Variants in NF1 observed in about 807,000 individuals in gnomAD.
NF1 encodes neurofibromin.
NF1 carries 122 observed loss-of-function variants against 325.7 expected under a neutral mutation model. That is an observed-to-expected ratio of 0.37 (90% CI 0.32 to 0.44). The LOEUF (loss-of-function observed/expected upper bound fraction) is 0.44, where lower values mean the gene tolerates loss of function less well. Among genes scored for constraint, NF1 ranks in the 20% least tolerant of loss-of-function variants. The pLI, the probability that NF1 is intolerant of heterozygous loss-of-function variation, is 1.00. For synonymous variants in NF1, 1,091 were observed against 1,186.0 expected (o/e 0.92, Z 1.65); for missense variants, 2,140 against 3,415.4 (o/e 0.63, Z 9.31).
intron 36 of NF1, among the ~76,000 whole-genome samples, chr17:31,323,721 C>T (rs1335875125): frequency 2.0e-5 from 3 of 152,074 alleles, no homozygotes; most frequent in African/African-American, 4.8e-5. Flanking sequence ...TTCCTTTTTG[C>T]CTTTCTCCAT....
intron 23 of NF1, 108 bp downstream of exon 23, chr17:31,230,490 G>T: frequency 7.3e-7 from 1 of 1,366,500 alleles, no homozygotes; most frequent in East Asian, 2.3e-5. Context: ...GACATGAAAA[G>T]AGAGCAATTT....
rs73271694 is a variant in NF1, at chr17:31,134,642, T to C, written c.61-21341T>C. On this transcript the variant is annotated intron_variant, in intron 1 of 57. Transcript: ENST00000358273. Reference sequence around the variant, plus strand: ...AGTCTTGGCTGGGTCTGTAGTAATCTGAAGGCTTGACTGGGGGTAGAGCAT... The same window carrying C: ...AGTCTTGGCTGGGTCTGTAGTAATCCGAAGGCTTGACTGGGGGTAGAGCAT... Among the ~76,000 whole-genome samples, 1,188 of 152,350 alleles carry C rather than the reference T, an allele frequency of 7.8e-3. 21 individuals carry two copies. Among genetic ancestry groups the C allele is most frequent in the African/African-American group, 0.027 (1,138 of 41,580 alleles).
chr17:31,305,763 AGTT>A, intron 36 of NF1: 1 of 757,514 alleles, frequency 1.3e-6, no homozygotes, highest in Non-Finnish European at 2.1e-6. Flanking sequence ...GTTGATTAGT[AGTT>A]ATTATTCCTA....
At chr17:31,310,702 G>A (rs531027240) in intron 36 of NF1, among the ~76,000 whole-genome samples, 3 of 151,716 alleles carry the variant, frequency 2.0e-5, no homozygotes, top group Admixed American at 6.6e-5. Flanking sequence ...CCATGTACCC[G>A]TGTACGTTTT....
chr17:31,155,931 G>C lies in NF1; in HGVS notation c.61-52G>C, dbSNP rs371694497. 5.0e-5 allele frequency: 79 copies of C among 1,580,358 alleles called. No homozygotes were observed. The East Asian group carries it at 8.1e-4, about 16-fold the overall frequency. ...TTCAATGGCAAGTAAGTTATTTATGGTCGTTTTTAAGGATAAGCTGTTAAC... is the reference window on the plus strand; with the variant it reads ...TTCAATGGCAAGTAAGTTATTTATGCTCGTTTTTAAGGATAAGCTGTTAAC... On this transcript the variant is annotated intron_variant, in intron 1 of 57. Transcript: ENST00000358273.
rs529664859 is a variant in NF1, at chr17:31,296,597, C to T, written c.4836-29223C>T. ...CTCCTTTATTTTCTCTCTCCCTCCC[C>T]CCTTTTCTAACCATATTCTTTCTTA... On this transcript the variant is annotated intron_variant, in intron 36 of 57. Coordinates refer to ENST00000358273, the MANE Select transcript of NF1 (RefSeq NM_001042492.3). 6.5e-6 allele frequency: 3 copies of T among 461,974 alleles called. 1 individual carries two copies. The South Asian group carries it at 6.9e-5, about 11-fold the overall frequency. The allele number at this position is 461,974 out of a possible 1,614,324, so 28.6% of individuals were successfully genotyped here. A position where few individuals can be genotyped will look rare whatever the true frequency, so the allele number is the denominator to read the frequency against.
chr17:31,309,348 G>A (rs1446213808), intron 36 of NF1, among the ~76,000 whole-genome samples: 4 of 152,112 alleles, frequency 2.6e-5, no homozygotes, highest in Admixed American at 2.6e-4. Context: ...AATAAGCAGA[G>A]GCAGTGAAAT....
intron 17 of NF1, among the ~76,000 whole-genome samples, chr17:31,225,997 A>C (rs2067005616): frequency 6.6e-6 from 1 of 152,140 alleles, no homozygotes; most frequent in Non-Finnish European, 1.5e-5. Flanking sequence ...GCTGCAGTGT[A>C]CTTATTTTAT....
At chr17:31,324,364 G>A (rs1366083109) in intron 36 of NF1, among the ~76,000 whole-genome samples, 2 of 152,142 alleles carry the variant, frequency 1.3e-5, no homozygotes, top group Admixed American at 1.3e-4. Flanking sequence ...ACCATGCCCT[G>A]CCTGTATGTG....
rs548872971 is a variant in NF1, at chr17:31,140,212, T to TAG, written c.61-15771_61-15770insAG. Among the ~76,000 whole-genome samples the TAG allele has an allele frequency of 1.1e-4, 17 of 152,206 alleles. No individual in the cohort carries two copies. In the South Asian group the frequency reaches 3.5e-3, roughly 32 times the overall value. Reference sequence around the variant, plus strand: ...AGTAATAAGAATCATGTAGGAGAGGTCAAGGAAGCTTACTGCTGTGGGGTT... The same window carrying TAG: ...AGTAATAAGAATCATGTAGGAGAGGTAGCAAGGAAGCTTACTGCTGTGGGGTT... On this transcript the variant is annotated intron_variant, in intron 1 of 57. Coordinates refer to ENST00000358273, the MANE Select transcript of NF1 (RefSeq NM_001042492.3).
chr17:31,342,240 T>G (rs2069843592), intron 47 of NF1, among the ~76,000 whole-genome samples: 1 of 152,208 alleles, frequency 6.6e-6, no homozygotes. Flanking sequence ...GCCGTTTTTC[T>G]AAAACTGTTT....
intron 36 of NF1, among the ~76,000 whole-genome samples, chr17:31,283,150 G>A (rs1006603981): frequency 1.3e-5 from 2 of 152,162 alleles, no homozygotes; most frequent in South Asian, 2.1e-4. Context: ...GGACGCAGTG[G>A]ATCACGCCTG....
chr17:31,308,145 CTT>C (rs953335153), intron 36 of NF1, among the ~76,000 whole-genome samples: 1 of 145,662 alleles, frequency 6.9e-6, no homozygotes, highest in African/African-American at 2.5e-5. Context: ...CTTCCTTTTT[CTT>C]TTTTTTTTTG....
intron 12 of NF1, among the ~76,000 whole-genome samples, chr17:31,208,396 A>G (rs1237000736): frequency 2.0e-5 from 3 of 152,182 alleles, no homozygotes; most frequent in Non-Finnish European, 4.4e-5. Flanking sequence ...TAGGTTTTGA[A>G]TGGCTGTTAG....
chr17:31,181,958 G>A (rs1027713102), intron 7 of NF1, among the ~76,000 whole-genome samples, 173 bp downstream of exon 7: 6 of 152,108 alleles, frequency 3.9e-5, no homozygotes, highest in Non-Finnish European at 5.9e-5. Flanking sequence ...TCTAAATTAG[G>A]CCCAACCCTC....
intron 36 of NF1, among the ~76,000 whole-genome samples, chr17:31,317,219 A>C (rs1299393205): frequency 6.6e-6 from 1 of 152,134 alleles, no homozygotes; most frequent in African/African-American, 2.4e-5. Context: ...ATTTCAGTAG[A>C]TATTTGGAAA....
At chr17:31,270,551 A>G (rs1199863672) in intron 36 of NF1, among the ~76,000 whole-genome samples, 1 of 151,240 alleles carries the variant, frequency 6.6e-6, no homozygotes, top group African/African-American at 2.4e-5. Context: ...TCAAGACTGC[A>G]TTGAGCCGAG....
intron 36 of NF1, among the ~76,000 whole-genome samples, chr17:31,285,816 T>G (rs1003764930): frequency 6.6e-6 from 1 of 152,094 alleles, no homozygotes; most frequent in African/African-American, 2.4e-5. Flanking sequence ...GACCCTGTCT[T>G]AAAAAAAGTT....
intron 13 of NF1, among the ~76,000 whole-genome samples, chr17:31,216,726 G>A (rs2066825384): frequency 1.3e-5 from 2 of 152,052 alleles, no homozygotes; most frequent in South Asian, 4.2e-4. Flanking sequence ...AGATCTACAG[G>A]GTCGTGCAAA....
Sources: allele counts gnomAD v4.1 joint callset (sites outside exome capture counted in the v4.1 genomes callset), GRCh38; gene constraint gnomAD v4.1.1; transcripts MANE v1.5; gene names NCBI Gene and HGNC (gene_info 2026-07-23, HGNC 2026-07-21).